PDPN: variants seen among roughly 807,000 people sequenced by gnomAD.
PDPN encodes the protein podoplanin.
In PDPN, 12 loss-of-function variants were observed where a neutral mutation model predicts 23.2. The ratio of observed to expected loss-of-function variants is 0.52; its 90% CI spans 0.33 to 0.84. The LOEUF (loss-of-function observed/expected upper bound fraction) is 0.84. Among genes scored for constraint, PDPN ranks in the 40% least tolerant of loss-of-function variants. The probability of loss-of-function intolerance (pLI) is 0.02; values close to 1 mark genes in which losing one functional copy is unlikely to be tolerated. For synonymous variants in PDPN, 77 were observed against 76.7 expected (o/e 1.00, Z -0.02); for missense variants, 199 against 212.2 (o/e 0.94, Z 0.39).
rs1158908931 is a variant in PDPN at position 13,617,474 on chromosome 1, G to A, written c.*1563G>A. 1.3e-5 allele frequency: 2 copies of A among 152,000 alleles called. No individual in the cohort carries two copies. The highest frequency in any genetic ancestry group is 2.9e-5 in the Non-Finnish European group (2 of 68,030). 9.4% of individuals were successfully genotyped at this position (152,000 alleles called of 1,614,324 possible). A position where few individuals can be genotyped will look rare whatever the true frequency, so the allele number is the denominator to read the frequency against. ...TATACATGTGTCAGGATGTCAAAAA[G>A]CAATTCTCCTGCCTCAGCCTCCTGA... On this transcript the variant is annotated 3_prime_UTR_variant, in exon 6 of 6. Coordinates refer to ENST00000621990, the MANE Select transcript of PDPN (RefSeq NM_006474.5).
intron 1 of PDPN, among the ~76,000 whole-genome samples, chr1:13,598,446 G>T (rs1029833414): frequency 1.3e-5 from 2 of 152,098 alleles, no homozygotes. Context: ...GTCTTTCTTA[G>T]ATAACAGAAA....
chr1:13,613,750 TACTC>T, intron 4 of PDPN, 25 bp downstream of exon 4: 6 of 1,355,462 alleles, frequency 4.4e-6, no homozygotes, highest in Non-Finnish European at 6.3e-6. Context: ...GGCATCAAAA[TACTC>T]TTACTGGGGT....
At chr1:13,590,696 A>G (rs2100211458) in intron 1 of PDPN, among the ~76,000 whole-genome samples, 1 of 152,246 alleles carries the variant, frequency 6.6e-6, no homozygotes, top group East Asian at 1.9e-4. Flanking sequence ...CAATGGCAGG[A>G]AACTGGGGAG....
intron 2 of PDPN, among the ~76,000 whole-genome samples, 166 bp from the exon 3 acceptor site, chr1:13,610,221 C>T (rs1189811486): frequency 7.2e-5 from 11 of 152,102 alleles, no homozygotes; most frequent in African/African-American, 2.2e-4. Flanking sequence ...TGTGTACAAC[C>T]GTCTCTTCAA....
intron 1 of PDPN, among the ~76,000 whole-genome samples, chr1:13,586,395 T>C (rs963130266): frequency 3.2e-4 from 49 of 152,124 alleles, no homozygotes; most frequent in African/African-American, 1.1e-3. Flanking sequence ...CAAAATAGCA[T>C]TGAATATAGA....
At chr1:13,594,867 C>T (rs2100224758) in intron 1 of PDPN, among the ~76,000 whole-genome samples, 1 of 151,518 alleles carries the variant, frequency 6.6e-6, no homozygotes, top group Middle Eastern at 3.4e-3. Context: ...TGGTGGCGGG[C>T]ACCTGTAGTC....
intron 1 of PDPN, among the ~76,000 whole-genome samples, chr1:13,593,750 G>A (rs912515360): frequency 2.6e-5 from 4 of 152,166 alleles, no homozygotes; most frequent in African/African-American, 9.7e-5. Flanking sequence ...TTCAGTTTCC[G>A]AGCAGACGGC....
intron 1 of PDPN, among the ~76,000 whole-genome samples, chr1:13,588,239 C>T (rs570794588): frequency 1.3e-5 from 2 of 152,254 alleles, no homozygotes; most frequent in East Asian, 3.9e-4. Flanking sequence ...GGGAGACCAA[C>T]CCTGAGCCAC....
At chr1:13,613,754 C>T in intron 4 of PDPN, 29 bp downstream of exon 4, 1 of 1,309,566 alleles carries the variant, frequency 7.6e-7, no homozygotes, top group Non-Finnish European at 1.1e-6. Context: ...TCAAAATACT[C>T]TTACTGGGGT....
intron 1 of PDPN, among the ~76,000 whole-genome samples, chr1:13,588,681 A>C (rs559261474): frequency 6.8e-6 from 1 of 147,402 alleles, no homozygotes; most frequent in African/African-American, 2.5e-5. Context: ...TATATATATA[A>C]TATATGTATT....
At chr1:13,605,433 T>C (rs1280529009) in intron 1 of PDPN, among the ~76,000 whole-genome samples, 1 of 152,244 alleles carries the variant, frequency 6.6e-6, no homozygotes, top group East Asian at 1.9e-4. Context: ...AAGAAGCCCA[T>C]GGCCAGTGAG....
At position 13,584,066 on chromosome 1, in the gene PDPN, G is replaced by A; in HGVS notation, c.33G>A (p.Leu11=). The change falls in exon 1 of 6, where the codon TTG becomes TTA. Residue 11 remains leucine, a synonymous_variant. Transcript: ENST00000621990. MWKVSALLFV[L]GSASLWVLAE... ...AGGTGTCAGCTCTGCTCTTCGTTTTGGGAAGCGCGTCGCTCTGGGTCCTGG... is the reference window on the plus strand; with the variant it reads ...AGGTGTCAGCTCTGCTCTTCGTTTTAGGAAGCGCGTCGCTCTGGGTCCTGG... The A allele has an allele frequency of 6.2e-7, 1 of 1,613,152 alleles. No individual in the cohort carries two copies. The highest frequency in any genetic ancestry group is 1.3e-5 in the African/African-American group (1 of 75,060).
At chr1:13,602,563 A>C (rs909355239) in intron 1 of PDPN, among the ~76,000 whole-genome samples, 1 of 152,172 alleles carries the variant, frequency 6.6e-6, no homozygotes, top group African/African-American at 2.4e-5. Flanking sequence ...GCCTGATTGA[A>C]TGTTACATCT....
At position 13,597,085 on chromosome 1, in the gene PDPN, C is replaced by T. The variant is rs551746855; in HGVS notation, c.68-10088C>T. ...GAACAGAAGTCGGTGTTTTTGTTTT[C>T]AAATAGACATTTTAACATCTCTTCA... On this transcript the variant is annotated intron_variant, in intron 1 of 5. Transcript: ENST00000621990. Among the ~76,000 whole-genome samples the T allele has an allele frequency of 5.9e-5, 9 of 152,218 alleles. No individual in the cohort carries two copies. In the East Asian group the frequency reaches 1.7e-3, roughly 29 times the overall value.
intron 3 of PDPN, among the ~76,000 whole-genome samples, chr1:13,612,830 G>T (rs533185500): frequency 6.6e-6 from 1 of 152,084 alleles, no homozygotes; most frequent in African/African-American, 2.4e-5. Flanking sequence ...GGATATCTGG[G>T]GTATTTTGCA....
intron 1 of PDPN, among the ~76,000 whole-genome samples, chr1:13,587,787 A>C (rs1640219883): frequency 6.6e-6 from 1 of 152,154 alleles, no homozygotes; most frequent in Admixed American, 6.6e-5. Flanking sequence ...GTAGGGAATA[A>C]CTGGAATTCT....
chr1:13,609,017 C>G (rs76652175), intron 2 of PDPN, among the ~76,000 whole-genome samples: 1 of 152,186 alleles, frequency 6.6e-6, no homozygotes, highest in Non-Finnish European at 1.5e-5. Flanking sequence ...AAACTACCCA[C>G]CAGATTTGGC....
rs1241039789 is a variant in PDPN at position 13,613,692 on chromosome 1, G to T, written c.337G>T (p.Val113Leu). 1 of 1,438,838 alleles carries T rather than the reference G, an allele frequency of 7.0e-7. No individual in the cohort carries two copies. The highest frequency in any genetic ancestry group is 9.8e-7 in the Non-Finnish European group (1 of 1,021,392). The allele number at this position is 1,438,838 out of a possible 1,614,324, so 89.1% of individuals were successfully genotyped here. The change falls in exon 4 of 6, where the codon GTG becomes TTG. Residue 113 changes from valine (V) to leucine (L), a missense_variant. Physicochemically the swap from Val to Leu is conservative, Grantham distance 32 (BLOSUM62 1). Transcript: ENST00000621990. ...NVATSHSTEK[V>L]DGDTQTTVEK... ...TTATATCTTTCTATTCACAGAGAAA[G>T]TGGATGGAGACACACAGACAACAGT...
At chr1:13,613,786 C>T in intron 4 of PDPN, 61 bp downstream of exon 4, 1 of 903,080 alleles carries the variant, frequency 1.1e-6, no homozygotes, top group East Asian at 2.4e-5. Flanking sequence ...TTCTTTGAAG[C>T]TAATTGTTGA....
Sources: allele counts gnomAD v4.1 joint callset (sites outside exome capture counted in the v4.1 genomes callset), GRCh38; gene constraint gnomAD v4.1.1; transcripts MANE v1.5; gene names NCBI Gene and HGNC (gene_info 2026-07-23, HGNC 2026-07-21).